PDZRN4: variants seen among roughly 807,000 people sequenced by gnomAD.
PDZRN4 encodes the protein PDZ domain containing ring finger 4.
PDZRN4 carries 70 observed loss-of-function variants against 99.0 expected under a neutral mutation model. The ratio of observed to expected loss-of-function variants is 0.71; its 90% CI spans 0.58 to 0.86. The LOEUF is 0.86. Among genes scored for constraint, PDZRN4 ranks in the 40% least tolerant of loss-of-function variants. The pLI is 0.00. For missense variants in PDZRN4, 1,474 were observed against 1,331.2 expected, an observed-to-expected ratio of 1.11 and a Z score of -1.67; for synonymous variants, 551 against 501.6, an observed-to-expected ratio of 1.10 and a Z score of -1.32.
chr12:41,459,967 A>G (rs1952855114), intron 3 of PDZRN4: 1 of 1,282,862 alleles, frequency 7.8e-7, no homozygotes, highest in Admixed American at 2.4e-5. Context: ...TGACTTGAAC[A>G]ATGCTATTCT....
chr12:41,222,545 G>A (rs891972780), intron 3 of PDZRN4, among the ~76,000 whole-genome samples: 1 of 152,072 alleles, frequency 6.6e-6, no homozygotes, highest in Non-Finnish European at 1.5e-5. Context: ...TTGAGATGGA[G>A]TCTCACTCTG....
At chr12:41,542,644 A>G (rs1437481813) in intron 5 of PDZRN4, among the ~76,000 whole-genome samples, 1 of 152,180 alleles carries the variant, frequency 6.6e-6, no homozygotes, top group East Asian at 1.9e-4. Flanking sequence ...TGGTAACAAT[A>G]AAAAAGAGCA....
intron 2 of PDZRN4, among the ~76,000 whole-genome samples, chr12:41,191,842 G>C (rs565364472): frequency 4.7e-4 from 71 of 151,964 alleles, no homozygotes; most frequent in Non-Finnish European, 6.3e-4. Flanking sequence ...GAGTGCAGTG[G>C]CACGATCTCA....
chr12:41,486,588 T>C (rs912045792), intron 3 of PDZRN4, among the ~76,000 whole-genome samples: 4 of 151,830 alleles, frequency 2.6e-5, no homozygotes, highest in Non-Finnish European at 5.9e-5. Flanking sequence ...AGCAATAATA[T>C]GAGAAGGTAG....
intron 3 of PDZRN4, among the ~76,000 whole-genome samples, chr12:41,501,997 A>C (rs1467814285): frequency 3.9e-5 from 6 of 152,046 alleles, no homozygotes; most frequent in Non-Finnish European, 8.8e-5. Context: ...CTAATCCTAC[A>C]TTTAGTTTGT....
At chr12:41,197,007 A>G (rs1302191667) in intron 3 of PDZRN4, among the ~76,000 whole-genome samples, 4 of 152,204 alleles carry the variant, frequency 2.6e-5, no homozygotes, top group Admixed American at 2.0e-4. Context: ...CTTATGCACA[A>G]TCTGACACAT....
At chr12:41,410,102 C>T (rs189060470) in intron 3 of PDZRN4, 2 of 152,260 alleles carry the variant, frequency 1.3e-5, no homozygotes, top group Admixed American at 1.3e-4. Flanking sequence ...TCAACCCATA[C>T]CAGCATATAC....
chr12:41,573,414 T>C lies in PDZRN4; in HGVS notation c.2635T>C (p.Ser879Pro). 6.2e-7 allele frequency: 1 copy of C among 1,613,070 alleles called. No individual in the cohort carries two copies. The highest frequency in any genetic ancestry group is 8.5e-7 in the Non-Finnish European group (1 of 1,179,900). Residue 879 changes from serine (S) to proline (P), a missense_variant, in exon 10 of 10, where the codon TCT becomes CCT. Physicochemically the swap from Ser to Pro is moderately conservative, Grantham distance 74. Transcript: ENST00000402685. ...CAGCTTGGTGAGCATGTGCAAGGAG[T>C]CTCAGAAGTGTTCAGAGCCCAAGAT... Reference protein sequence around the residue: ...QLSLVSMCKESQKCSEPKMEW... With the variant: ...QLSLVSMCKEPQKCSEPKMEW...
At chr12:41,558,988 CT>C (rs1376412612) in intron 7 of PDZRN4, among the ~76,000 whole-genome samples, 2 of 152,122 alleles carry the variant, frequency 1.3e-5, no homozygotes, top group African/African-American at 4.8e-5. Context: ...ACTTCTTATC[CT>C]TAAAGTTTCT....
chr12:41,321,928 A>G (rs1951680594), intron 3 of PDZRN4, among the ~76,000 whole-genome samples: 1 of 152,154 alleles, frequency 6.6e-6, no homozygotes, highest in Non-Finnish European at 1.5e-5. Flanking sequence ...TTGTAAACCA[A>G]TCAAACTACC....
At chr12:41,486,069 A>C (rs900450876) in intron 3 of PDZRN4, among the ~76,000 whole-genome samples, 11 of 152,158 alleles carry the variant, frequency 7.2e-5, no homozygotes, top group Non-Finnish European at 1.2e-4. Context: ...ATTATCATGG[A>C]CCTATGTTAT....
chr12:41,410,169 C>A (rs1952385010), intron 3 of PDZRN4, among the ~76,000 whole-genome samples: 1 of 152,108 alleles, frequency 6.6e-6, no homozygotes, highest in Non-Finnish European at 1.5e-5. Flanking sequence ...AAAATGTGAA[C>A]AATAGCATAT....
intron 5 of PDZRN4, among the ~76,000 whole-genome samples, chr12:41,531,163 G>A (rs1057116254): frequency 6.6e-6 from 1 of 152,150 alleles, no homozygotes; most frequent in Non-Finnish European, 1.5e-5. Flanking sequence ...TGTACCTGAA[G>A]AATCGGATCA....
intron 3 of PDZRN4, among the ~76,000 whole-genome samples, chr12:41,306,205 G>T (rs1359818931): frequency 2.0e-5 from 3 of 152,142 alleles, no homozygotes; most frequent in Admixed American, 6.5e-5. Flanking sequence ...CCCCTCAAGC[G>T]GTGGCTCTCT....
At chr12:41,442,656 A>C (rs888799857) in intron 3 of PDZRN4, among the ~76,000 whole-genome samples, 2 of 152,162 alleles carry the variant, frequency 1.3e-5, no homozygotes, top group African/African-American at 4.8e-5. Context: ...AACCAGGGAC[A>C]AGCACCTTGT....
intron 3 of PDZRN4, among the ~76,000 whole-genome samples, chr12:41,311,639 A>G (rs1345115512): frequency 6.6e-6 from 1 of 152,202 alleles, no homozygotes; most frequent in African/African-American, 2.4e-5. Context: ...AGAACACAAA[A>G]TGTCTTCATA....
Position 41,226,191 on chromosome 12 carries a change from C to G in PDZRN4, c.843+32003C>G, listed in dbSNP as rs1279384834. The stretch of plus-strand genomic sequence containing the variant: ...GACCTTTCCCTGGCCCATTTGCTCA[C>G]CAGCTTCATGGCTTTGCTCCAACAT... On this transcript the variant is annotated intron_variant, in intron 3 of 9. Coordinates refer to ENST00000402685, the MANE Select transcript of PDZRN4 (RefSeq NM_001164595.2). Among the ~76,000 whole-genome samples the G allele has an allele frequency of 1.1e-4, 17 of 152,210 alleles. No homozygotes were observed. In the East Asian group the frequency reaches 3.1e-3, roughly 28 times the overall value.
In PDZRN4 at chr12:41,498,116, T is replaced by C. The variant is rs188516008; in HGVS notation, c.844-8340T>C. Among the ~76,000 whole-genome samples, 174 of 152,142 alleles carry C rather than the reference T, an allele frequency of 1.1e-3. 2 individuals are homozygous for C. The highest frequency in any genetic ancestry group is 1.4e-3 in the Non-Finnish European group (97 of 67,966). ...TTTAAGATTAATTAACAGTTTACAT[T>C]TGCTTAGGTTCTCAATCTCTCTCTC... On this transcript the variant is annotated intron_variant, in intron 3 of 9. Transcript: ENST00000402685.
chr12:41,334,356 A>T (rs945162926), intron 3 of PDZRN4, among the ~76,000 whole-genome samples: 1 of 150,326 alleles, frequency 6.7e-6, no homozygotes, highest in Non-Finnish European at 1.5e-5. Flanking sequence ...ATGAAGCTTT[A>T]GAAGTATTCA....
Sources: allele counts gnomAD v4.1 joint callset (sites outside exome capture counted in the v4.1 genomes callset), GRCh38; gene constraint gnomAD v4.1.1; transcripts MANE v1.5; gene names NCBI Gene and HGNC (gene_info 2026-07-23, HGNC 2026-07-21).